Variants in NCOR1 observed in about 807,000 individuals in gnomAD.
NCOR1 encodes protein phosphatase 1, regulatory subunit 109.
Under a neutral mutation model 288.1 loss-of-function variants are expected in NCOR1, and 63 were observed. That is an observed-to-expected ratio of 0.22 (90% confidence interval 0.18 to 0.27). The LOEUF (loss-of-function observed/expected upper bound fraction) is 0.27, where lower values mean the gene tolerates loss of function less well. Among genes scored for constraint, NCOR1 ranks in the 10% least tolerant of loss-of-function variants. NCOR1 has a pLI of 1.00. For synonymous variants in NCOR1, 1,007 were observed against 1,065.9 expected (o/e 0.94, Z 1.08); for missense variants, 2,397 against 3,019.2 (o/e 0.79, Z 4.83).
chr17:16,116,427 G>A (rs914859224), intron 18 of NCOR1, among the ~76,000 whole-genome samples: 7 of 152,230 alleles, frequency 4.6e-5, no homozygotes, highest in African/African-American at 1.4e-4. Context: ...ATGAGAAGGT[G>A]TGAAGCTCAT....
rs151035744 is a variant in NCOR1 at position 16,057,045 on chromosome 17, G to A, written c.6392+469C>T. On this transcript the variant is annotated intron_variant, in intron 40 of 45. Coordinates refer to ENST00000268712, the MANE Select transcript of NCOR1 (RefSeq NM_006311.4). ...GATGAGATCTCACTATGTTGCCCAG[G>A]CTGGTCTCAAATTCCTGGGCTCAAG... is the stretch of plus-strand genomic sequence containing the variant. 63 of 154,542 alleles carry A rather than the reference G, an allele frequency of 4.1e-4. No homozygotes were observed. The East Asian group carries it at 0.01, about 25-fold the overall frequency. 9.6% of individuals were successfully genotyped at this position (154,542 alleles called of 1,614,324 possible). A position where few individuals can be genotyped will look rare whatever the true frequency, so the allele number is the denominator to read the frequency against.
chr17:16,188,494 C>T (rs988420958), intron 2 of NCOR1, among the ~76,000 whole-genome samples: 1 of 151,526 alleles, frequency 6.6e-6, no homozygotes, highest in African/African-American at 2.4e-5. Context: ...TCCTGTAATC[C>T]CAGCTACTCA....
intron 3 of NCOR1, among the ~76,000 whole-genome samples, chr17:16,174,265 A>G (rs2083664204): frequency 6.6e-6 from 1 of 152,220 alleles, no homozygotes; most frequent in Non-Finnish European, 1.5e-5. Flanking sequence ...ACAAAGTTGG[A>G]AAACTCACAC....
intron 23 of NCOR1, among the ~76,000 whole-genome samples, chr17:16,081,381 T>C (rs1031928271): frequency 1.8e-3 from 19 of 10,734 alleles, no homozygotes; most frequent in African/African-American, 4.8e-3. Flanking sequence ...AAATATTTAT[T>C]TAAAAAAAAA....
At chr17:16,073,638 G>C in intron 27 of NCOR1, 69 bp from the exon 28 acceptor site, 1 of 1,256,656 alleles carries the variant, frequency 8.0e-7, no homozygotes, top group African/African-American at 1.5e-5. Context: ...AAATAGGTTA[G>C]TTTCATAGTC....
chr17:16,203,338 C>T (rs2091095643), intron 1 of NCOR1, among the ~76,000 whole-genome samples: 1 of 152,158 alleles, frequency 6.6e-6, no homozygotes, highest in Admixed American at 6.6e-5. Context: ...CTCACTAGGC[C>T]CCAGCAACAT....
Position 16,080,523 on chromosome 17 carries a change from G to C in NCOR1, c.3299-14C>G. The C allele has an allele frequency of 4.3e-6, 7 of 1,613,870 alleles. No homozygotes were observed. The highest frequency in any genetic ancestry group is 4.2e-6 in the Non-Finnish European group (5 of 1,179,870). ...AGGGCAAAGTAGCTGTGGAAAGGCAGAGAAACATGAAACAATCCAGTACTA... is the reference window on the plus strand; with the variant it reads ...AGGGCAAAGTAGCTGTGGAAAGGCACAGAAACATGAAACAATCCAGTACTA... On this transcript the variant is annotated splice_polypyrimidine_tract_variant and intron_variant, in intron 24 of 45. Transcript: ENST00000268712.
rs371761918 is a variant in NCOR1, at chr17:16,057,474, T to C, written c.6392+40A>G. The C allele has an allele frequency of 6.5e-5, 102 of 1,574,064 alleles. 1 individual carries two copies. Among genetic ancestry groups the C allele is most frequent in the Admixed American group, 4.2e-4 (25 of 59,870 alleles). Reference sequence around the variant, plus strand: ...TGTAGATATATTCCATTTGTTTTACTGTTGGGCAATTTATATATAATTTGG... The same window carrying C: ...TGTAGATATATTCCATTTGTTTTACCGTTGGGCAATTTATATATAATTTGG... On this transcript the variant is annotated intron_variant, in intron 40 of 45. Coordinates refer to ENST00000268712, the MANE Select transcript of NCOR1 (RefSeq NM_006311.4).
intron 15 of NCOR1, among the ~76,000 whole-genome samples, chr17:16,124,259 A>C (rs773337732): frequency 2.0e-4 from 30 of 152,214 alleles, no homozygotes; most frequent in Non-Finnish European, 2.4e-4. Context: ...CAAACTACTG[A>C]TACATTCAAC....
At chr17:16,124,417 G>A (rs759852491) in intron 15 of NCOR1, among the ~76,000 whole-genome samples, 32 of 152,168 alleles carry the variant, frequency 2.1e-4, no homozygotes, top group Non-Finnish European at 3.8e-4. Context: ...TGACTGCAAA[G>A]GAGCATATGG....
At chr17:16,213,000 A>G (rs1327616518) in intron 1 of NCOR1, among the ~76,000 whole-genome samples, 1 of 149,314 alleles carries the variant, frequency 6.7e-6, no homozygotes, top group Non-Finnish European at 1.5e-5. Context: ...CTGAGTCCAG[A>G]GGTCAAGGCT....
intron 19 of NCOR1, among the ~76,000 whole-genome samples, chr17:16,106,734 G>T (rs968613896): frequency 6.6e-6 from 1 of 151,228 alleles, no homozygotes; most frequent in Non-Finnish European, 1.5e-5. Flanking sequence ...CTTTCCAAAT[G>T]AAGCTAAGTC....
chr17:16,136,805 T>TC lies in NCOR1; in HGVS notation c.1509+505dup, dbSNP rs1465754135. ...CTGGGCGACAGAGCGAGACTCTGTT[T>TC]CAAAAAAAAAAAAAAAAAAAAAAGA... On this transcript the variant is annotated intron_variant, in intron 14 of 45. Coordinates refer to ENST00000268712, the MANE Select transcript of NCOR1 (RefSeq NM_006311.4). 2.2e-4 allele frequency among the ~76,000 whole-genome samples: 17 copies of TC among 78,740 alleles called. No individual in the cohort carries two copies. In the South Asian group the frequency reaches 5.5e-3, roughly 25 times the overall value. 51.7% of individuals were successfully genotyped at this position (78,740 alleles called of 152,430 possible).
chr17:16,133,188 C>T (rs1478407122), intron 14 of NCOR1, among the ~76,000 whole-genome samples: 2 of 152,102 alleles, frequency 1.3e-5, no homozygotes, highest in African/African-American at 4.8e-5. Context: ...AGGCTGGTCT[C>T]GAATTCCTGA....
chr17:16,151,501 C>T, intron 8 of NCOR1: 4 of 881,010 alleles, frequency 4.5e-6, no homozygotes, highest in South Asian at 1.4e-5. Context: ...TAAAATGATC[C>T]GTGGCACTTC....
At chr17:16,127,294 T>TATGTATGTATATATGTATGTATATATAC (rs2074398021) in intron 14 of NCOR1, among the ~76,000 whole-genome samples, 1 of 103,794 alleles carries the variant, frequency 9.6e-6, no homozygotes, top group Non-Finnish European at 2.1e-5. Flanking sequence ...TGTATATATG[T>TATGTATGTATATATGTATGTATATATAC]ATGTATGTAT....
At chr17:16,163,038 A>C (rs2081190982) in intron 5 of NCOR1, among the ~76,000 whole-genome samples, 1 of 152,180 alleles carries the variant, frequency 6.6e-6, no homozygotes, top group Non-Finnish European at 1.5e-5. Flanking sequence ...TATCAGGATC[A>C]AAGACTCAAA....
intron 7 of NCOR1, among the ~76,000 whole-genome samples, chr17:16,152,209 G>A (rs1409821438): frequency 6.6e-6 from 1 of 152,064 alleles, no homozygotes. Context: ...CAACGTGCAG[G>A]TTTGTTACAT....
At chr17:16,053,214 G>T (rs1388564464) in intron 40 of NCOR1, among the ~76,000 whole-genome samples, 2 of 152,164 alleles carry the variant, frequency 1.3e-5, no homozygotes, top group Admixed American at 1.3e-4. Flanking sequence ...GCAAGGGAAC[G>T]AAAGAAAGGG....
Sources: gnomAD v4.1 joint callset for allele counts (sites outside exome capture counted in the v4.1 genomes callset) on GRCh38, gnomAD v4.1.1 for gene constraint, MANE v1.5 for transcripts, NCBI Gene and HGNC (gene_info 2026-07-23, HGNC 2026-07-21) for gene names.